Variants in ST3GAL6 observed in about 807,000 individuals in gnomAD.
ST3GAL6 encodes type 2 lactosamine alpha-2,3-sialyltransferase.
A neutral mutation model predicts 40.5 loss-of-function variants in ST3GAL6; 31 were observed. The ratio of observed to expected loss-of-function variants is 0.77; its 90% confidence interval spans 0.58 to 1.03. The LOEUF is 1.03. ST3GAL6 is among the 50% of genes least tolerant of loss of function. ST3GAL6 has a pLI of 0.00. For missense variants in ST3GAL6, 357 were observed against 393.2 expected, an observed-to-expected ratio of 0.91 and a Z score of 0.78; for synonymous variants, 129 against 136.9, an observed-to-expected ratio of 0.94 and a Z score of 0.40.
At chr3:98,791,196 G>A (rs569059349) in intron 8 of ST3GAL6, among the ~76,000 whole-genome samples, 3 of 152,258 alleles carry the variant, frequency 2.0e-5, no homozygotes, top group Admixed American at 1.3e-4. Context: ...ATATATGTAA[G>A]ATAAGGAAAG....
intron 1 of ST3GAL6, among the ~76,000 whole-genome samples, chr3:98,748,666 A>G (rs1278337991): frequency 6.6e-6 from 1 of 152,064 alleles, no homozygotes; most frequent in Non-Finnish European, 1.5e-5. Flanking sequence ...GGGTTTTGCC[A>G]TGTTGGCCAG....
intron 5 of ST3GAL6, chr3:98,782,809 G>A: frequency 9.8e-6 from 5 of 510,988 alleles, no homozygotes; most frequent in South Asian, 6.2e-5. Flanking sequence ...AGGAGAAACA[G>A]GAGTTGAATG....
chr3:98,791,818 G>A, intron 8 of ST3GAL6, 23 bp from the exon 9 acceptor site: 1 of 1,591,440 alleles, frequency 6.3e-7, no homozygotes. Context: ...GCTTAAAAAA[G>A]TTTTTTTCAT....
chr3:98,758,280 C>T (rs551190428), intron 1 of ST3GAL6, among the ~76,000 whole-genome samples: 1 of 152,200 alleles, frequency 6.6e-6, no homozygotes, highest in Non-Finnish European at 1.5e-5. Flanking sequence ...TGCTTCAACA[C>T]CTAGGACACA....
chr3:98,771,682 G>A (rs141149487), intron 3 of ST3GAL6, among the ~76,000 whole-genome samples: 1 of 151,612 alleles, frequency 6.6e-6, no homozygotes, highest in East Asian at 1.9e-4. Context: ...AACTCTTTGG[G>A]GCTACAGATC....
chr3:98,792,980 A>G (rs934208566), intron 9 of ST3GAL6, among the ~76,000 whole-genome samples: 2 of 152,224 alleles, frequency 1.3e-5, no homozygotes, highest in Non-Finnish European at 2.9e-5. Context: ...TCATGAAATC[A>G]GTCCCCTTGA....
At chr3:98,781,099 T>C (rs1046088095) in intron 5 of ST3GAL6, among the ~76,000 whole-genome samples, 4 of 152,182 alleles carry the variant, frequency 2.6e-5, no homozygotes, top group South Asian at 4.1e-4. Context: ...CAATGATAGA[T>C]TGAATAAAGA....
chr3:98,793,021 T>TA (rs1941337962), intron 9 of ST3GAL6, among the ~76,000 whole-genome samples: 1 of 152,162 alleles, frequency 6.6e-6, no homozygotes, highest in Non-Finnish European at 1.5e-5. Context: ...GAGAAAGTGG[T>TA]ATAAATCAGG....
intron 1 of ST3GAL6, among the ~76,000 whole-genome samples, chr3:98,750,452 T>C (rs984466472): frequency 6.6e-6 from 1 of 152,178 alleles, no homozygotes; most frequent in Non-Finnish European, 1.5e-5. Context: ...GAAGACTCTG[T>C]ACAGTGACCA....
At position 98,752,838 on chromosome 3, in the gene ST3GAL6, A is replaced by G. The variant is rs567970578; in HGVS notation, c.-11-15592A>G. Among the ~76,000 whole-genome samples the G allele has an allele frequency of 6.6e-5, 10 of 152,340 alleles. No individual in the cohort carries two copies. The South Asian group carries it at 1.9e-3, about 28-fold the overall frequency. ...ACCACAAACTACACCACTATAAGAC[A>G]GTCAGCGTAATCTATAAATGTTTAT... On this transcript the variant is annotated intron_variant, in intron 1 of 9. Coordinates refer to the ST3GAL6 transcript ENST00000265261.
chr3:98,773,061 A>G, intron 4 of ST3GAL6, 145 bp downstream of exon 4: 1 of 532,214 alleles, frequency 1.9e-6, no homozygotes, highest in Non-Finnish European at 3.3e-6. Flanking sequence ...AATGAAATGA[A>G]TTACATTTTA....
rs1305103882 is a variant in ST3GAL6 at position 98,788,063 on chromosome 3, TGAA to T, written c.467_469del (p.Glu156del). The T allele has an allele frequency of 2.5e-6, 4 of 1,613,804 alleles. No individual in the cohort carries two copies. Among genetic ancestry groups the T allele is most frequent in the Admixed American group, 1.7e-5 (1 of 59,968 alleles). ...TGAATAATGGTCCTGTTTTAGGACA[TGAA>T]GAAGAAGTTGGGAGAAGGACAACCT... is the stretch of plus-strand genomic sequence containing the variant. On this transcript the variant is annotated inframe_deletion, in exon 7 of 10. Transcript: ENST00000483910.
At chr3:98,787,998 A>T (rs1229673113) in intron 6 of ST3GAL6, 38 bp from the exon 7 acceptor site, 1 of 1,565,764 alleles carries the variant, frequency 6.4e-7, no homozygotes, top group Non-Finnish European at 8.7e-7. Flanking sequence ...CAGATACTGC[A>T]CTTGGTCTAC....
At chr3:98,782,061 G>A (rs943314076) in intron 5 of ST3GAL6, 1 of 596,418 alleles carries the variant, frequency 1.7e-6, no homozygotes, top group Non-Finnish European at 3.0e-6. Context: ...GAGAGGAAAG[G>A]GTTTTGAATA....
chr3:98,793,983 G>T lies in ST3GAL6; in HGVS notation c.*222G>T. 1 of 336,280 alleles carries T rather than the reference G, an allele frequency of 3.0e-6. No homozygotes were observed. Among genetic ancestry groups the T allele is most frequent in the Non-Finnish European group, 5.4e-6 (1 of 186,016 alleles). 20.8% of individuals were successfully genotyped at this position (336,280 alleles called of 1,614,324 possible). A position where few individuals can be genotyped will look rare whatever the true frequency, so the allele number is the denominator to read the frequency against. On this transcript the variant is annotated 3_prime_UTR_variant, in exon 10 of 10. Coordinates refer to ENST00000483910, the MANE Select transcript of ST3GAL6 (RefSeq NM_001323368.2). ...CAGGAAAATAAGTTTTGATTGCATT[G>T]TTTTTAAAATAAGCTAGTTTTCTGA...
intron 1 of ST3GAL6, chr3:98,733,632 GA>G: frequency 1.0e-6 from 1 of 984,332 alleles, no homozygotes. Flanking sequence ...TAATTTTCAA[GA>G]TAAGGGAGAA....
At chr3:98,757,465 C>T (rs1177749176) in intron 1 of ST3GAL6, among the ~76,000 whole-genome samples, 3 of 152,290 alleles carry the variant, frequency 2.0e-5, no homozygotes, top group East Asian at 1.9e-4. Context: ...GGGCTGGATC[C>T]TCAGGTTTTA....
intron 1 of ST3GAL6, chr3:98,756,688 A>G (rs937660885): frequency 4.9e-6 from 3 of 614,146 alleles, no homozygotes; most frequent in East Asian, 7.2e-5. Flanking sequence ...TTCTCTTACT[A>G]GTTTTGCAGC....
At chr3:98,783,440 G>T in intron 5 of ST3GAL6, 1 of 515,158 alleles carries the variant, frequency 1.9e-6, no homozygotes, top group South Asian at 8.5e-5. Flanking sequence ...GTGTCCCCTT[G>T]CCGGCAACAC....
Sources: allele counts gnomAD v4.1 joint callset (sites outside exome capture counted in the v4.1 genomes callset), GRCh38; gene constraint gnomAD v4.1.1; transcripts MANE v1.5; gene names NCBI Gene and HGNC (gene_info 2026-07-23, HGNC 2026-07-21).